Variants in HYCC1 observed in about 807,000 individuals in gnomAD.
HYCC1 encodes hyccin.
At chr7:22,978,483 G>A in the HYCC1 span, 1 of 1,532,576 alleles carries the variant, frequency 6.5e-7, no homozygotes, top group Non-Finnish European at 9.0e-7. Flanking sequence ...TCAAGAACTG[G>A]ACTGTATTTG....
chr7:22,939,967 A>G, the HYCC1 span: 1 of 152,240 alleles, frequency 6.6e-6, no homozygotes, highest in African/African-American at 2.4e-5. Flanking sequence ...CTACAATTAT[A>G]AAACAGTTAT....
the HYCC1 span, among the ~76,000 whole-genome samples, chr7:22,931,508 T>C: frequency 2.0e-5 from 3 of 152,250 alleles, no homozygotes; most frequent in South Asian, 2.1e-4. Context: ...ACTTTGGAAT[T>C]GGTTAATGGG....
At chr7:23,010,074 T>G in the HYCC1 span, among the ~76,000 whole-genome samples, 3 of 152,296 alleles carry the variant, frequency 2.0e-5, no homozygotes, top group African/African-American at 4.8e-5. Context: ...GGGTATCCAT[T>G]TTCACAATAT....
the HYCC1 span, among the ~76,000 whole-genome samples, chr7:22,918,289 A>T: frequency 6.6e-6 from 1 of 152,124 alleles, no homozygotes; most frequent in Non-Finnish European, 1.5e-5. Context: ...CTCAATTCAT[A>T]CAAAACCATA....
At chr7:22,923,899 G>C in the HYCC1 span, among the ~76,000 whole-genome samples, 3 of 148,710 alleles carry the variant, frequency 2.0e-5, no homozygotes, top group Non-Finnish European at 3.0e-5. Flanking sequence ...GCTCATGCCT[G>C]TAATCACAGC....
At chr7:22,978,647 T>C in the HYCC1 span, among the ~76,000 whole-genome samples, 1 of 152,180 alleles carries the variant, frequency 6.6e-6, no homozygotes, top group Admixed American at 6.5e-5. Flanking sequence ...GGATTGACTA[T>C]GGGGTTGAAG....
the HYCC1 span, among the ~76,000 whole-genome samples, chr7:23,011,813 T>G: frequency 6.6e-6 from 1 of 152,136 alleles, no homozygotes; most frequent in Non-Finnish European, 1.5e-5. Flanking sequence ...TACTATATCC[T>G]CCTCTTGGGA....
the HYCC1 span, among the ~76,000 whole-genome samples, chr7:22,915,332 C>T: frequency 3.9e-3 from 598 of 152,344 alleles, 6 homozygotes; most frequent in African/African-American, 0.014. Context: ...AACTTCAAAA[C>T]GCCTAAGCCA....
At chr7:23,004,909 G>A in the HYCC1 span, among the ~76,000 whole-genome samples, 4 of 152,050 alleles carry the variant, frequency 2.6e-5, no homozygotes, top group Admixed American at 6.6e-5. Context: ...GGGTTCAAGC[G>A]ATTCTCCTGC....
chr7:22,989,538 T>G, the HYCC1 span, among the ~76,000 whole-genome samples: 9 of 142,324 alleles, frequency 6.3e-5, no homozygotes, highest in African/African-American at 2.3e-4. Context: ...TTTTTTTTTT[T>G]GGAGAGAGGG....
the HYCC1 span, among the ~76,000 whole-genome samples, chr7:22,988,642 T>C: frequency 6.6e-6 from 1 of 152,186 alleles, no homozygotes; most frequent in Non-Finnish European, 1.5e-5. Flanking sequence ...CACACATATG[T>C]ATCATATGCA....
the HYCC1 span, among the ~76,000 whole-genome samples, chr7:22,974,353 C>A: frequency 6.6e-6 from 1 of 152,076 alleles, no homozygotes; most frequent in African/African-American, 2.4e-5. Flanking sequence ...TAAAAAGTTG[C>A]CAACACTTAT....
chr7:22,968,318 C>A, the HYCC1 span, among the ~76,000 whole-genome samples: 2 of 152,136 alleles, frequency 1.3e-5, no homozygotes, highest in Non-Finnish European at 2.9e-5. Flanking sequence ...CTCCCTTTCT[C>A]CCCACTTGCA....
the HYCC1 span, among the ~76,000 whole-genome samples, chr7:22,899,385 C>T: frequency 7.5e-4 from 114 of 152,074 alleles, no homozygotes; most frequent in Non-Finnish European, 1.4e-3. Context: ...GAAATTTCCT[C>T]CACTACCTTC....
chr7:22,929,051 C>A, the HYCC1 span, among the ~76,000 whole-genome samples: 4 of 151,990 alleles, frequency 2.6e-5, no homozygotes, highest in African/African-American at 9.7e-5. Context: ...TCTACAACTA[C>A]CTGATCTTTG....
the HYCC1 span, among the ~76,000 whole-genome samples, chr7:22,971,742 A>G: frequency 6.6e-6 from 1 of 152,010 alleles, no homozygotes; most frequent in East Asian, 1.9e-4. Flanking sequence ...GAGAATAGAA[A>G]AAGGGGAAAG....
chr7:22,987,078 AT>A, the HYCC1 span, among the ~76,000 whole-genome samples: 3 of 152,232 alleles, frequency 2.0e-5, no homozygotes, highest in Non-Finnish European at 4.4e-5. Context: ...CTATCAGAAA[AT>A]TTAAAAAAAT....
At chr7:22,946,495 CTCCT>C in the HYCC1 span, among the ~76,000 whole-genome samples, 1 of 152,000 alleles carries the variant, frequency 6.6e-6, no homozygotes, top group Non-Finnish European at 1.5e-5. Context: ...GGGGTGAACT[CTCCT>C]TCAGTAGCAA....
chr7:23,012,084 A>C, the HYCC1 span, among the ~76,000 whole-genome samples: 1 of 152,156 alleles, frequency 6.6e-6, no homozygotes, highest in African/African-American at 2.4e-5. Flanking sequence ...CCTAGTACCT[A>C]CTCAGCCTGG....
Sources: gnomAD v4.1 joint callset for allele counts (sites outside exome capture counted in the v4.1 genomes callset) on GRCh38, gnomAD v4.1.1 for gene constraint, MANE v1.5 for transcripts, NCBI Gene and HGNC (gene_info 2026-07-23, HGNC 2026-07-21) for gene names.